The following CNTNAP5 variants were observed in gnomAD, a reference collection of about 807,000 sequenced individuals.
The protein encoded by CNTNAP5 is contactin-associated protein-like 5.
A neutral mutation model predicts 150.2 loss-of-function variants in CNTNAP5; 72 were observed. The observed-to-expected ratio is 0.48, with a 90% CI of 0.40 to 0.58. CNTNAP5 has a LOEUF of 0.58. Among genes scored for constraint, CNTNAP5 ranks in the 20% least tolerant of loss-of-function variants. The pLI, the probability that CNTNAP5 is intolerant of heterozygous loss-of-function variation, is 0.00. For missense variants in CNTNAP5, 1,636 were observed against 1,626.2 expected, an observed-to-expected ratio of 1.01 and a Z score of -0.10; for synonymous variants, 672 against 619.8, an observed-to-expected ratio of 1.08 and a Z score of -1.25.
intron 19 of CNTNAP5, among the ~76,000 whole-genome samples, chr2:124,824,192 A>G (rs1390975109): frequency 9.2e-5 from 14 of 151,990 alleles, no homozygotes; most frequent in Admixed American, 5.2e-4. Flanking sequence ...TTCTGGGATT[A>G]CAGGCATGAG....
Position 124,920,030 on chromosome 2 carries a change from C to T in CNTNAP5, c.*5742C>T, listed in dbSNP as rs1019867663. 2.6e-5 allele frequency among the ~76,000 whole-genome samples: 4 copies of T among 151,996 alleles called. No individual in the cohort carries two copies. Among genetic ancestry groups the T allele is most frequent in the South Asian group, 4.1e-4 (2 of 4,822 alleles). On this transcript the variant is annotated 3_prime_UTR_variant, in exon 24 of 24. Coordinates refer to ENST00000682447, the MANE Select transcript of CNTNAP5 (RefSeq NM_001367498.1). Reference sequence around the variant, plus strand: ...GAGTGTAGTGTCCCAGCCCTGACAACGAGTACCGCCAGGGACCTACCATCT... The same window carrying T: ...GAGTGTAGTGTCCCAGCCCTGACAATGAGTACCGCCAGGGACCTACCATCT...
chr2:124,376,342 A>G (rs896943119), intron 3 of CNTNAP5, among the ~76,000 whole-genome samples: 2 of 152,122 alleles, frequency 1.3e-5, no homozygotes, highest in African/African-American at 4.8e-5. Flanking sequence ...AAGCATAGAC[A>G]TTACTAGGAA....
intron 3 of CNTNAP5, among the ~76,000 whole-genome samples, chr2:124,304,474 AG>A (rs1455565010): frequency 6.6e-6 from 1 of 152,210 alleles, no homozygotes; most frequent in Non-Finnish European, 1.5e-5. Flanking sequence ...GGAGCCAGAT[AG>A]GAAGGGGCCA....
At chr2:124,666,302 C>T (rs1678698823) in intron 13 of CNTNAP5, among the ~76,000 whole-genome samples, 1 of 152,074 alleles carries the variant, frequency 6.6e-6, no homozygotes, top group East Asian at 1.9e-4. Context: ...AGGAGTAAAG[C>T]TTTGTCTAAA....
chr2:124,381,607 G>A (rs1327429688), intron 3 of CNTNAP5, among the ~76,000 whole-genome samples: 2 of 152,040 alleles, frequency 1.3e-5, no homozygotes, highest in Non-Finnish European at 2.9e-5. Flanking sequence ...TGTAAGTGCT[G>A]GGCAAGAGCT....
chr2:124,895,698 G>A (rs544866310), intron 21 of CNTNAP5, among the ~76,000 whole-genome samples: 1 of 151,662 alleles, frequency 6.6e-6, no homozygotes, highest in East Asian at 1.9e-4. Flanking sequence ...ATGATCTAGA[G>A]TGGTACATAA....
Position 124,290,874 on chromosome 2 carries a change from CTTTATTTA to C in CNTNAP5, c.381+48517_381+48524del, listed in dbSNP as rs59044145. On this transcript the variant is annotated intron_variant, in intron 3 of 23. Coordinates refer to ENST00000682447, the MANE Select transcript of CNTNAP5 (RefSeq NM_001367498.1). ...GCCATGCCAAGTCTCATCTTCCTTC[CTTTATTTA>C]TTTATTTATTTATTTATTTATTTAT... Among the ~76,000 whole-genome samples the C allele has an allele frequency of 2.1e-3, 312 of 148,530 alleles. 2 individuals are homozygous for C. The highest frequency in any genetic ancestry group is 0.014 in the Middle Eastern group (4 of 288).
chr2:124,703,586 C>T (rs1558741651), intron 13 of CNTNAP5, among the ~76,000 whole-genome samples: 1 of 152,188 alleles, frequency 6.6e-6, no homozygotes, highest in Non-Finnish European at 1.5e-5. Flanking sequence ...GCACATCGCA[C>T]TTAACTACCT....
chr2:124,148,087 G>T (rs1397999199), intron 1 of CNTNAP5, among the ~76,000 whole-genome samples: 5 of 152,106 alleles, frequency 3.3e-5, no homozygotes, highest in Non-Finnish European at 7.4e-5. Context: ...CAGGATAACT[G>T]TCTCAGGTTG....
At chr2:124,663,109 CAA>C (rs1230787115) in intron 13 of CNTNAP5, among the ~76,000 whole-genome samples, 1 of 152,062 alleles carries the variant, frequency 6.6e-6, no homozygotes, top group South Asian at 2.1e-4. Flanking sequence ...AACGCATGTT[CAA>C]AGAGGTTAAG....
chr2:124,636,932 C>T (rs1379109081), intron 12 of CNTNAP5, among the ~76,000 whole-genome samples: 1 of 152,118 alleles, frequency 6.6e-6, no homozygotes, highest in African/African-American at 2.4e-5. Flanking sequence ...TTTTCTCAGA[C>T]ATTTTAAAAA....
intron 1 of CNTNAP5, among the ~76,000 whole-genome samples, chr2:124,175,576 T>G (rs1685045295): frequency 1.3e-5 from 2 of 152,136 alleles, no homozygotes; most frequent in South Asian, 4.1e-4. Context: ...ATAGGTAGTT[T>G]TTCAGCCCTT....
chr2:124,131,756 G>A (rs536503577), intron 1 of CNTNAP5, among the ~76,000 whole-genome samples: 5 of 152,102 alleles, frequency 3.3e-5, no homozygotes, highest in African/African-American at 9.7e-5. Flanking sequence ...AGCCCCACAG[G>A]CATGTTATAA....
chr2:124,370,775 T>C (rs1010126602), intron 3 of CNTNAP5, among the ~76,000 whole-genome samples: 1 of 152,142 alleles, frequency 6.6e-6, no homozygotes, highest in African/African-American at 2.4e-5. Flanking sequence ...TCTTTCCTTC[T>C]TCTGATCTTA....
chr2:124,853,987 CT>C (rs1677289593), intron 19 of CNTNAP5, among the ~76,000 whole-genome samples: 1 of 152,138 alleles, frequency 6.6e-6, no homozygotes, highest in African/African-American at 2.4e-5. Flanking sequence ...AAGACATGAT[CT>C]CATTCTTTTT....
intron 1 of CNTNAP5, among the ~76,000 whole-genome samples, chr2:124,038,318 G>T (rs867663688): frequency 6.6e-6 from 1 of 152,138 alleles, no homozygotes; most frequent in Non-Finnish European, 1.5e-5. Context: ...TAGGCCTGCT[G>T]CTTGGCTTGG....
intron 21 of CNTNAP5, among the ~76,000 whole-genome samples, chr2:124,872,869 G>A (rs991823924): frequency 1.3e-5 from 2 of 151,774 alleles, no homozygotes; most frequent in African/African-American, 4.8e-5. Context: ...CACACTTTTA[G>A]CTAAGCCAAC....
At chr2:124,850,711 A>G (rs1368448130) in intron 19 of CNTNAP5, among the ~76,000 whole-genome samples, 2 of 152,210 alleles carry the variant, frequency 1.3e-5, no homozygotes, top group Non-Finnish European at 1.5e-5. Context: ...TGAAGAAAGC[A>G]AGGTGACATC....
At chr2:124,465,693 A>G (rs1024785779) in intron 6 of CNTNAP5, among the ~76,000 whole-genome samples, 1 of 152,186 alleles carries the variant, frequency 6.6e-6, no homozygotes, top group Non-Finnish European at 1.5e-5. Flanking sequence ...TTCAGCATCT[A>G]CTGTGTTTCA....
Sources: gnomAD v4.1 joint callset for allele counts (sites outside exome capture counted in the v4.1 genomes callset) on GRCh38, gnomAD v4.1.1 for gene constraint, MANE v1.5 for transcripts, NCBI Gene and HGNC (gene_info 2026-07-23, HGNC 2026-07-21) for gene names.